The following CTCF variants were observed in gnomAD, a reference collection of about 807,000 sequenced individuals.
CTCF encodes transcriptional repressor CTCF.
In CTCF, 7 loss-of-function variants were observed where a neutral mutation model predicts 72.3. The ratio of observed to expected loss-of-function variants is 0.10; its 90% CI spans 0.06 to 0.18. The LOEUF (loss-of-function observed/expected upper bound fraction) is 0.18. CTCF is among the 10% of genes least tolerant of loss of function. CTCF has a pLI of 1.00. For missense variants in CTCF, 516 were observed against 949.1 expected (o/e 0.54, Z 6.00); for synonymous variants, 374 against 315.8 (o/e 1.18, Z -1.95).
chr16:67,616,670 C>T, intron 4 of CTCF, 75 bp from the exon 5 acceptor site: 2 of 1,540,040 alleles, frequency 1.3e-6, no homozygotes, highest in Non-Finnish European at 1.8e-6. Flanking sequence ...CATAGCAGTT[C>T]TGTGCCACAC....
intron 2 of CTCF, among the ~76,000 whole-genome samples, chr16:67,603,686 G>A (rs969059225): frequency 4.6e-5 from 7 of 151,900 alleles, no homozygotes; most frequent in African/African-American, 7.3e-5. Flanking sequence ...TTAGCCGGGC[G>A]TGGTGACAGG....
At chr16:67,616,660 CAT>C (rs1184569516) in intron 4 of CTCF, 83 bp from the exon 5 acceptor site, 116 of 1,480,776 alleles carry the variant, frequency 7.8e-5, no homozygotes, top group Non-Finnish European at 1.1e-4. Context: ...GTTCCAGTCT[CAT>C]AGCAGTTCTG....
At chr16:67,619,668 A>T (rs1597720079) in intron 5 of CTCF, among the ~76,000 whole-genome samples, 1 of 151,930 alleles carries the variant, frequency 6.6e-6, no homozygotes, top group South Asian at 2.1e-4. Flanking sequence ...GTAGCCTTAA[A>T]CTCCTGAGCT....
At chr16:67,613,870 C>G (rs1372718714) in intron 4 of CTCF, among the ~76,000 whole-genome samples, 1 of 152,168 alleles carries the variant, frequency 6.6e-6, no homozygotes, top group Non-Finnish European at 1.5e-5. Flanking sequence ...TGGTCTTCAG[C>G]TTTGAAAGTA....
At chr16:67,623,694 G>C (rs1016976172) in intron 7 of CTCF, among the ~76,000 whole-genome samples, 1 of 151,746 alleles carries the variant, frequency 6.6e-6, no homozygotes, top group Non-Finnish European at 1.5e-5. Context: ...AGCTATTCAG[G>C]AGGATGGGCC....
intron 2 of CTCF, among the ~76,000 whole-genome samples, chr16:67,576,486 C>G (rs568934357): frequency 3.4e-5 from 5 of 148,316 alleles, no homozygotes; most frequent in African/African-American, 1.0e-4. Context: ...TTACCAAAAT[C>G]TGGCTATAAA....
At chr16:67,594,544 C>A (rs1383844615) in intron 2 of CTCF, among the ~76,000 whole-genome samples, 1 of 151,958 alleles carries the variant, frequency 6.6e-6, no homozygotes, top group Non-Finnish European at 1.5e-5. Context: ...TTCAAAGTTT[C>A]TAAACTTTGC....
intron 2 of CTCF, among the ~76,000 whole-genome samples, chr16:67,572,769 A>T (rs1315270100): frequency 6.7e-6 from 1 of 149,788 alleles, no homozygotes; most frequent in Non-Finnish European, 1.5e-5. Context: ...GTAAAACCCC[A>T]TCTCTACTAA....
At chr16:67,598,844 G>A (rs1339772423) in intron 2 of CTCF, among the ~76,000 whole-genome samples, 1 of 152,242 alleles carries the variant, frequency 6.6e-6, no homozygotes, top group African/African-American at 2.4e-5. Flanking sequence ...GTCAGATGAG[G>A]ACAGAAAAGC....
At chr16:67,588,349 A>G (rs886537129) in intron 2 of CTCF, among the ~76,000 whole-genome samples, 3 of 152,194 alleles carry the variant, frequency 2.0e-5, no homozygotes, top group Non-Finnish European at 2.9e-5. Context: ...TCTTTCTCCT[A>G]TTCCAAGTGA....
intron 1 of CTCF, among the ~76,000 whole-genome samples, chr16:67,563,141 C>T (rs925768531): frequency 5.9e-5 from 9 of 152,022 alleles, no homozygotes; most frequent in Non-Finnish European, 1.3e-4. Context: ...GAGACACTAT[C>T]TCCGCGTCCC....
At chr16:67,585,427 T>C (rs2142752416) in intron 2 of CTCF, among the ~76,000 whole-genome samples, 1 of 152,366 alleles carries the variant, frequency 6.6e-6, no homozygotes, top group South Asian at 2.1e-4. Flanking sequence ...TGCCCACATG[T>C]GCAATGATGC....
chr16:67,621,748 C>CTTTTTTTTTTT lies in CTCF; in HGVS notation c.1357+166_1357+176dup, dbSNP rs34853932. On this transcript the variant is annotated intron_variant, in intron 7 of 11. Transcript: ENST00000264010. ...TTTAGTAAAAGCCATTGCTTAGCTG[C>CTTTTTTTTTTT]TTTTTTTTTTTTTTTTTTTCTATTT... 5.7e-4 allele frequency among the ~76,000 whole-genome samples: 69 copies of CTTTTTTTTTTT among 121,314 alleles called. 3 individuals are homozygous for CTTTTTTTTTTT. The highest frequency in any genetic ancestry group is 1.5e-3 in the African/African-American group (45 of 30,276). 79.6% of individuals were successfully genotyped at this position (121,314 alleles called of 152,430 possible). A position where few individuals can be genotyped will look rare whatever the true frequency, so the allele number is the denominator to read the frequency against.
chr16:67,599,454 A>G (rs1040629275), intron 2 of CTCF, among the ~76,000 whole-genome samples: 1 of 152,124 alleles, frequency 6.6e-6, no homozygotes, highest in Non-Finnish European at 1.5e-5. Flanking sequence ...CCCTAAGGAT[A>G]CAGGCCTCTG....
intron 1 of CTCF, among the ~76,000 whole-genome samples, chr16:67,570,045 TAGAG>T (rs918240024): frequency 1.9e-4 from 29 of 151,836 alleles, no homozygotes; most frequent in Admixed American, 1.2e-3. Context: ...AATAAACTGT[TAGAG>T]AGCCATTACT....
intron 2 of CTCF, among the ~76,000 whole-genome samples, chr16:67,607,760 C>CT (rs1023563874): frequency 2.6e-5 from 4 of 151,932 alleles, no homozygotes; most frequent in Non-Finnish European, 4.4e-5. Flanking sequence ...TGGCTCACGC[C>CT]TGTAGTCCCA....
chr16:67,581,129 C>T (rs963788331), intron 2 of CTCF, among the ~76,000 whole-genome samples: 11 of 150,868 alleles, frequency 7.3e-5, no homozygotes, highest in Non-Finnish European at 1.5e-4. Context: ...GGGGTTTCAC[C>T]GTGTTAGCCA....
chr16:67,637,950 T>A lies in CTCF; in HGVS notation c.*78T>A. 1 of 1,300,660 alleles carries A rather than the reference T, an allele frequency of 7.7e-7. No homozygotes were observed. Among genetic ancestry groups the A allele is most frequent in the Admixed American group, 2.6e-5 (1 of 37,962 alleles). The allele number at this position is 1,300,660 out of a possible 1,614,324, so 80.6% of individuals were successfully genotyped here. On this transcript the variant is annotated 3_prime_UTR_variant, in exon 12 of 12. Coordinates refer to ENST00000264010, the MANE Select transcript of CTCF (RefSeq NM_006565.4). Reference sequence around the variant, plus strand: ...CGCATCTTAATTTTTCTCCCTTCTTTCTTTTTTTGGCTTTGGGAAAAGCAT... The same window carrying A: ...CGCATCTTAATTTTTCTCCCTTCTTACTTTTTTTGGCTTTGGGAAAAGCAT...
chr16:67,587,744 C>A (rs2051687174), intron 2 of CTCF, among the ~76,000 whole-genome samples: 1 of 151,980 alleles, frequency 6.6e-6, no homozygotes, highest in Admixed American at 6.6e-5. Context: ...GGTGACATAG[C>A]AAGACCCCAT....
Sources: allele counts gnomAD v4.1 joint callset (sites outside exome capture counted in the v4.1 genomes callset), GRCh38; gene constraint gnomAD v4.1.1; transcripts MANE v1.5; gene names NCBI Gene and HGNC (gene_info 2026-07-23, HGNC 2026-07-21).